The following ARAP1 variants were observed in gnomAD, a reference collection of about 807,000 sequenced individuals.
The protein encoded by ARAP1 is arf-GAP with Rho-GAP domain, ANK repeat and PH domain-containing protein 1.
ARAP1 carries 76 observed loss-of-function variants against 172.2 expected under a neutral mutation model. The ratio of observed to expected loss-of-function variants is 0.44; its 90% CI spans 0.37 to 0.53. The LOEUF (loss-of-function observed/expected upper bound fraction) is 0.53, where lower values mean the gene tolerates loss of function less well. ARAP1 is among the 20% of genes least tolerant of loss of function. The pLI, the probability that ARAP1 is intolerant of heterozygous loss-of-function variation, is 0.00. For synonymous variants in ARAP1, 804 were observed against 803.3 expected (o/e 1.00, Z -0.01); for missense variants, 1,686 against 1,977.5 (o/e 0.85, Z 2.80).
Position 72,696,638 on chromosome 11 carries a change from C to T in ARAP1, c.3183G>A (p.Glu1061=). 2 of 1,598,544 alleles carry T rather than the reference C, an allele frequency of 1.3e-6. No individual in the cohort carries two copies. Among genetic ancestry groups the T allele is most frequent in the Non-Finnish European group, 1.7e-6 (2 of 1,170,934 alleles). The change falls in exon 23 of 35, where the codon GAG becomes GAA. Residue 1061 remains glutamate (E), a synonymous_variant. Transcript: ENST00000393609. The part of the protein sequence containing the change: ...WLEASEIEDE[E]EKVSRYRELL... ...GCTCTCGGTACCTGGAGACCTTCTC[C>T]TCCTCGTCCTCAATCTCTGGGTGGG...
rs200860889 is a variant in ARAP1, at chr11:72,695,089, T to C, written c.3585A>G (p.Ala1195=). ...GGGTGAGCTCCTCAGCAGTCATGGA[T>C]GCTGGGACCTGCAAGGACCAAGGAG... ...AETEQHIKVP[A]SMTAEELTLE... is the part of the protein sequence containing the mutation. Residue 1195 remains alanine, a synonymous_variant, in exon 27 of 35, where the codon GCA becomes GCG. Transcript: ENST00000393609. This position sits in a 1 kb window ranked among gnomAD's most constrained non-coding sequence, Gnocchi z 4.4. 2.3e-5 allele frequency: 37 copies of C among 1,614,038 alleles called. No individual in the cohort carries two copies. The Admixed American group carries it at 5.0e-4, about 22-fold the overall frequency.
rs1856958284 is a variant in ARAP1, at chr11:72,710,345, T to A, written c.1416+40A>T. 1 of 1,608,392 alleles carries A rather than the reference T, an allele frequency of 6.2e-7. No homozygotes were observed. Among genetic ancestry groups the A allele is most frequent in the Middle Eastern group, 1.7e-4 (1 of 6,044 alleles). On this transcript the variant is annotated intron_variant, in intron 10 of 34. Coordinates refer to ENST00000393609, the MANE Select transcript of ARAP1 (RefSeq NM_001040118.3). This position sits in a 1 kb window ranked among gnomAD's most constrained non-coding sequence, Gnocchi z 4.3. ...CTAGGTCAGCCTGGGGCAGGGTAGGTGGACATGGGCAGGGGAGAGGTTCCA... is the reference window on the plus strand; with the variant it reads ...CTAGGTCAGCCTGGGGCAGGGTAGGAGGACATGGGCAGGGGAGAGGTTCCA...
Position 72,705,795 on chromosome 11 carries a change from G to A in ARAP1, c.1809+10C>T, listed in dbSNP as rs369121430. 112 of 1,613,774 alleles carry A rather than the reference G, an allele frequency of 6.9e-5. No homozygotes were observed. Among genetic ancestry groups the A allele is most frequent in the Non-Finnish European group, 9.2e-5 (108 of 1,179,816 alleles). ...CCCCAAGTATCGGTGGCAAGCAGGGGCATCCCCACCTCGATAAGTGTTTCT... is the reference window on the plus strand; with the variant it reads ...CCCCAAGTATCGGTGGCAAGCAGGGACATCCCCACCTCGATAAGTGTTTCT... On this transcript the variant is annotated intron_variant, in intron 13 of 34. Coordinates refer to ENST00000393609, the MANE Select transcript of ARAP1 (RefSeq NM_001040118.3).
At chr11:72,702,202 C>G (rs1159469560) in intron 15 of ARAP1, among the ~76,000 whole-genome samples, 2 of 152,226 alleles carry the variant, frequency 1.3e-5, no homozygotes, top group Non-Finnish European at 2.9e-5. Flanking sequence ...ACGGTCAGCG[C>G]CGTGGGGGGG....
rs10570876 is a variant in ARAP1, at chr11:72,725,295, CCT to C, written c.509+1323_509+1324del. The stretch of plus-strand genomic sequence containing the variant: ...TTCTCTATCCTCTTCTCTCTTCTAA[CCT>C]CTCTCTCTCTCTCTCTCTCTCTTTT... On this transcript the variant is annotated intron_variant, in intron 3 of 34. Coordinates refer to ENST00000393609, the MANE Select transcript of ARAP1 (RefSeq NM_001040118.3). The surrounding 1 kb of genome is among the most constrained non-coding windows in gnomAD (Gnocchi z 4.3). Among the ~76,000 whole-genome samples the C allele has an allele frequency of 0.14, 21,246 of 147,472 alleles. 1,683 individuals carry two copies. Among genetic ancestry groups the C allele is most frequent in the African/African-American group, 0.23 (9,038 of 40,038 alleles).
At chr11:72,709,233 G>A (rs997332382) in intron 11 of ARAP1, among the ~76,000 whole-genome samples, 1 of 152,148 alleles carries the variant, frequency 6.6e-6, no homozygotes, top group Non-Finnish European at 1.5e-5. Context: ...GGAAGGGTTG[G>A]GAGTGATGCT....
At chr11:72,705,759 A>C in intron 13 of ARAP1, 46 bp downstream of exon 13, 1 of 1,602,174 alleles carries the variant, frequency 6.2e-7, no homozygotes, top group Non-Finnish European at 8.6e-7. Context: ...ACAGCTGTTG[A>C]ATGGGGCAGA....
At chr11:72,738,919 T>C (rs770597695) in intron 1 of ARAP1, among the ~76,000 whole-genome samples, 1 of 152,066 alleles carries the variant, frequency 6.6e-6, no homozygotes, top group African/African-American at 2.4e-5. Flanking sequence ...ACCCCACCCT[T>C]GGCCCCCTCC....
chr11:72,702,874 C>G (rs1565215827), intron 15 of ARAP1, 31 bp downstream of exon 15: 2 of 1,550,138 alleles, frequency 1.3e-6, no homozygotes, highest in Admixed American at 2.0e-5. Context: ...ACTGCACAGC[C>G]TGGTGGACCC....
intron 11 of ARAP1, among the ~76,000 whole-genome samples, chr11:72,708,825 T>C (rs1430531060): frequency 6.6e-6 from 1 of 152,048 alleles, no homozygotes; most frequent in African/African-American, 2.4e-5. Context: ...TCACCTGAGG[T>C]CAGGAGTTCG....
At chr11:72,737,851 T>C (rs966766106) in intron 1 of ARAP1, among the ~76,000 whole-genome samples, 2 of 152,218 alleles carry the variant, frequency 1.3e-5, no homozygotes, top group Non-Finnish European at 2.9e-5. Context: ...CTCGAACTCC[T>C]GAGTTCATGC....
chr11:72,692,626 G>A (rs1228005823), intron 30 of ARAP1, 127 bp downstream of exon 30: 48 of 1,275,642 alleles, frequency 3.8e-5, no homozygotes, highest in Middle Eastern at 2.4e-4. Context: ...CAGTGCCAAC[G>A]GGCAAGGGGG....
rs530613380 is a variant in ARAP1 at position 72,712,712 on chromosome 11, C to G, written c.748-144G>C. 66 of 1,374,216 alleles carry G rather than the reference C, an allele frequency of 4.8e-5. No homozygotes were observed. In the Middle Eastern group the frequency reaches 9.1e-4, roughly 19 times the overall value. The allele number at this position is 1,374,216 out of a possible 1,614,324, so 85.1% of individuals were successfully genotyped here. A position where few individuals can be genotyped will look rare whatever the true frequency, so the allele number is the denominator to read the frequency against. On this transcript the variant is annotated intron_variant, in intron 5 of 34. Transcript: ENST00000393609. ...TTCTGTTTCCTCACACTCCCCTCCC[C>G]CTGCCAGCGGAGACCACACAGAGAC...
At chr11:72,708,430 G>A (rs900377947) in intron 11 of ARAP1, 2 of 153,052 alleles carry the variant, frequency 1.3e-5, no homozygotes, top group Admixed American at 1.3e-4. Context: ...AGAAACCCAG[G>A]AACGGACAGG....
rs1298135356 is a variant in ARAP1, at chr11:72,697,493, C to T, written c.2790-7G>A. 1 of 1,612,356 alleles carries T rather than the reference C, an allele frequency of 6.2e-7. No homozygotes were observed. On this transcript the variant is annotated splice_polypyrimidine_tract_variant and splice_region_variant and intron_variant, in intron 20 of 34. Coordinates refer to ENST00000393609, the MANE Select transcript of ARAP1 (RefSeq NM_001040118.3). Reference sequence around the variant, plus strand: ...GCCCTGTATGTACAGTGTCCTGGGCCAGGGACAGTCAGTCACTGAGGGGCC... The same window carrying T: ...GCCCTGTATGTACAGTGTCCTGGGCTAGGGACAGTCAGTCACTGAGGGGCC...
rs753832901 is a variant in ARAP1 at position 72,697,007 on chromosome 11, G to T, written c.3142C>A (p.Arg1048Ser). 1 of 1,607,582 alleles carries T rather than the reference G, an allele frequency of 6.2e-7. No homozygotes were observed. The highest frequency in any genetic ancestry group is 1.1e-5 in the South Asian group (1 of 91,048). The change falls in exon 22 of 35, where the codon CGC becomes AGC. Residue 1048 changes from arginine to serine, a missense_variant. Physicochemically the swap from Arg to Ser is moderately radical, Grantham distance 110. Transcript: ENST00000393609. ...CCTGAGGCCTCCAGCCAGGTTAGGC[G>T]CTGGGCGCGAGTGAAGAGCCCATCA... ...LPDGLFTRAQ[R>S]LTWLEASEIE...
At chr11:72,728,817 G>C (rs1041310402) in intron 2 of ARAP1, among the ~76,000 whole-genome samples, 9 of 152,198 alleles carry the variant, frequency 5.9e-5, no homozygotes, top group African/African-American at 2.2e-4. Context: ...AGCACAGTAA[G>C]TTCTGGATAG....
chr11:72,747,225 G>A (rs1444611427), intron 1 of ARAP1, among the ~76,000 whole-genome samples: 2 of 152,100 alleles, frequency 1.3e-5, no homozygotes, highest in African/African-American at 4.8e-5. Context: ...TGCCTTTACC[G>A]TTGCCCTCAC....
At chr11:72,712,855 C>A (rs60659381) in intron 5 of ARAP1, 3 of 599,596 alleles carry the variant, frequency 5.0e-6, no homozygotes, top group Non-Finnish European at 8.9e-6. Flanking sequence ...CAGACAGACA[C>A]GGGAACACAA....
Sources: gnomAD v4.1 joint callset for allele counts (sites outside exome capture counted in the v4.1 genomes callset) on GRCh38, gnomAD v4.1.1 for gene constraint, Gnocchi (gnomAD v3.1) non-coding constraint, MANE v1.5 for transcripts, NCBI Gene and HGNC (gene_info 2026-07-23, HGNC 2026-07-21) for gene names.